Variants in EPC1 observed in about 807,000 individuals in gnomAD.
The protein encoded by EPC1 is enhancer of polycomb homolog 1.
Under a neutral mutation model 98.4 loss-of-function variants are expected in EPC1, and 12 were observed. The observed-to-expected ratio is 0.12, with a 90% CI of 0.08 to 0.20. EPC1 has a LOEUF of 0.20. EPC1 is among the 10% of genes least tolerant of loss of function. The probability of loss-of-function intolerance (pLI) is 1.00; values close to 1 mark genes in which losing one functional copy is unlikely to be tolerated. For synonymous variants in EPC1, 357 were observed against 363.9 expected (o/e 0.98, Z 0.21); for missense variants, 729 against 990.5 (o/e 0.74, Z 3.54).
chr10:32,307,513 A>G (rs1835944558), intron 1 of EPC1, among the ~76,000 whole-genome samples: 1 of 152,050 alleles, frequency 6.6e-6, no homozygotes, highest in Admixed American at 6.5e-5. Flanking sequence ...TTCTTTGCTC[A>G]TTTTCAAAAG....
intron 1 of EPC1, among the ~76,000 whole-genome samples, chr10:32,374,873 AC>A (rs36072458): frequency 6.6e-6 from 1 of 152,046 alleles, no homozygotes; most frequent in Non-Finnish European, 1.5e-5. Context: ...GAATAAACAA[AC>A]CCCCGAATAA....
rs537215015 is a variant in EPC1, at chr10:32,334,126, T to C, written c.153+12637A>G. Among the ~76,000 whole-genome samples, 3 of 152,326 alleles carry C rather than the reference T, an allele frequency of 2.0e-5. No individual in the cohort carries two copies. In the East Asian group the frequency reaches 5.8e-4, roughly 29 times the overall value. ...GTGAATTACACCTAGGAATTGAGAC[T>C]CACCTAAGGATTGGCTGATTGGATT... is the stretch of plus-strand genomic sequence containing the variant. On this transcript the variant is annotated intron_variant, in intron 1 of 13. Coordinates refer to ENST00000319778, the MANE Select transcript of EPC1 (RefSeq NM_001272004.3).
chr10:32,336,598 C>T (rs1837990960), intron 1 of EPC1, among the ~76,000 whole-genome samples: 2 of 152,174 alleles, frequency 1.3e-5, no homozygotes, highest in African/African-American at 4.8e-5. Context: ...CCTACCTCAT[C>T]TCTGAAGGTT....
At position 32,331,085 on chromosome 10, in the gene EPC1, ACTG is replaced by A. The variant is rs1450210244; in HGVS notation, c.153+15675_153+15677del. Among the ~76,000 whole-genome samples the A allele has an allele frequency of 2.6e-5, 4 of 152,222 alleles. No homozygotes were observed. In the South Asian group the frequency reaches 6.2e-4, roughly 24 times the overall value. ...TATTTCAGGGTATACAGAAAAAAAG[ACTG>A]CTATTTTCTTTTAAATTGCATTACA... On this transcript the variant is annotated intron_variant, in intron 1 of 13. Coordinates refer to ENST00000319778, the MANE Select transcript of EPC1 (RefSeq NM_001272004.3).
rs116193897 is a variant in EPC1, at chr10:32,309,417, C to G, written c.154-3486G>C. 8.2e-3 allele frequency among the ~76,000 whole-genome samples: 1,243 copies of G among 151,784 alleles called. 18 individuals are homozygous for G. Among genetic ancestry groups the G allele is most frequent in the African/African-American group, 0.029 (1,188 of 41,344 alleles). On this transcript the variant is annotated intron_variant, in intron 1 of 13. Coordinates refer to ENST00000319778, the MANE Select transcript of EPC1 (RefSeq NM_001272004.3). ...CCTAAATATCTATACCTATTATGTA[C>G]CCATAATAATAAAAAATTTAAAAAA...
At chr10:32,372,553 AGAG>A (rs1215275680) in intron 1 of EPC1, among the ~76,000 whole-genome samples, 1 of 152,216 alleles carries the variant, frequency 6.6e-6, no homozygotes, top group African/African-American at 2.4e-5. Context: ...GTTCCTGAAG[AGAG>A]GAGGTAAAGT....
At chr10:32,341,314 T>C (rs190221597) in intron 1 of EPC1, among the ~76,000 whole-genome samples, 11 of 115,634 alleles carry the variant, frequency 9.5e-5, no homozygotes, top group Admixed American at 3.5e-4. Flanking sequence ...CATGGACACA[T>C]GTCTGTGTGT....
intron 11 of EPC1, chr10:32,272,933 C>T (rs1835909717): frequency 1.7e-6 from 2 of 1,170,438 alleles, no homozygotes; most frequent in African/African-American, 1.5e-5. Context: ...GACGGGAAGA[C>T]AGTATCTTCA....
chr10:32,275,504 C>A (rs545218670), intron 10 of EPC1, among the ~76,000 whole-genome samples: 7 of 151,904 alleles, frequency 4.6e-5, no homozygotes, highest in Non-Finnish European at 1.0e-4. Flanking sequence ...CGGTGGCTCA[C>A]GCCTGTAATC....
intron 2 of EPC1, among the ~76,000 whole-genome samples, chr10:32,296,554 GTGTC>G (rs932063075): frequency 6.6e-6 from 1 of 152,186 alleles, no homozygotes; most frequent in Non-Finnish European, 1.5e-5. Context: ...AAGGACCTGA[GTGTC>G]TGAGCCCTTT....
At chr10:32,364,635 T>C (rs1226105212) in intron 1 of EPC1, among the ~76,000 whole-genome samples, 2 of 152,148 alleles carry the variant, frequency 1.3e-5, no homozygotes, top group African/African-American at 2.4e-5. Context: ...TTTATTATTG[T>C]TTTTATTTTT....
At chr10:32,362,726 C>T (rs750671053) in intron 1 of EPC1, among the ~76,000 whole-genome samples, 16 of 152,144 alleles carry the variant, frequency 1.1e-4, no homozygotes, top group Non-Finnish European at 1.8e-4. Flanking sequence ...TTTTGGCCCA[C>T]GAAGATGCCA....
chr10:32,366,924 G>A (rs564145402), intron 1 of EPC1, among the ~76,000 whole-genome samples: 3 of 152,250 alleles, frequency 2.0e-5, no homozygotes, highest in Admixed American at 1.3e-4. Flanking sequence ...AAAAATCTAC[G>A]TGGAAATTTC....
intron 2 of EPC1, among the ~76,000 whole-genome samples, chr10:32,293,982 C>CCAACCTAAAAG (rs1834997287): frequency 6.6e-6 from 1 of 152,156 alleles, no homozygotes; most frequent in South Asian, 2.1e-4. Flanking sequence ...GCGACACCCT[C>CCAACCTAAAAG]CAACCACTCC....
At chr10:32,364,298 T>C (rs1839536062) in intron 1 of EPC1, among the ~76,000 whole-genome samples, 1 of 152,094 alleles carries the variant, frequency 6.6e-6, no homozygotes, top group African/African-American at 2.4e-5. Flanking sequence ...CCTCCCAAAG[T>C]GCTGGGCTTA....
chr10:32,278,734 A>G (rs910154453), intron 10 of EPC1, among the ~76,000 whole-genome samples: 1 of 152,178 alleles, frequency 6.6e-6, no homozygotes, highest in Non-Finnish European at 1.5e-5. Flanking sequence ...AAAAGGTAAA[A>G]TGATTCTTCA....
chr10:32,366,592 A>T (rs1236807977), intron 1 of EPC1, among the ~76,000 whole-genome samples: 1 of 141,196 alleles, frequency 7.1e-6, no homozygotes, highest in Admixed American at 7.3e-5. Context: ...TTCAATAATC[A>T]TAAGAATAGT....
intron 1 of EPC1, among the ~76,000 whole-genome samples, chr10:32,365,312 G>C (rs565302480): frequency 6.6e-6 from 1 of 152,212 alleles, no homozygotes; most frequent in East Asian, 1.9e-4. Flanking sequence ...TAGCATAAAG[G>C]CTAAAGCAGA....
intron 1 of EPC1, among the ~76,000 whole-genome samples, chr10:32,354,222 TTTCA>T (rs1839205133): frequency 6.6e-6 from 1 of 152,194 alleles, no homozygotes; most frequent in Non-Finnish European, 1.5e-5. Context: ...CTCAAAGTTA[TTTCA>T]GTTTAACTTT....
Sources: allele counts gnomAD v4.1 joint callset (sites outside exome capture counted in the v4.1 genomes callset), GRCh38; gene constraint gnomAD v4.1.1; transcripts MANE v1.5; gene names NCBI Gene and HGNC (gene_info 2026-07-23, HGNC 2026-07-21).